Variants in SIPA1L1 observed in about 807,000 individuals in gnomAD.
SIPA1L1 encodes signal induced proliferation associated 1 like 1.
SIPA1L1 carries 26 observed loss-of-function variants against 162.7 expected under a neutral mutation model. That is an observed-to-expected ratio of 0.16 (90% confidence interval 0.12 to 0.22). SIPA1L1 has a LOEUF of 0.22. Among genes scored for constraint, SIPA1L1 ranks in the 10% least tolerant of loss-of-function variants. The pLI is 1.00. For synonymous variants in SIPA1L1, 829 were observed against 837.4 expected (o/e 0.99, Z 0.17); for missense variants, 1,874 against 2,241.0 (o/e 0.84, Z 3.31).
chr14:71,381,342 A>G (rs2039886285), intron 2 of SIPA1L1, among the ~76,000 whole-genome samples: 1 of 152,054 alleles, frequency 6.6e-6, no homozygotes, highest in Non-Finnish European at 1.5e-5. Flanking sequence ...ATGAGCCACC[A>G]TGCCTGGCCC....
intron 2 of SIPA1L1, among the ~76,000 whole-genome samples, chr14:71,477,712 C>G (rs2047995170): frequency 6.6e-6 from 1 of 151,860 alleles, no homozygotes; most frequent in African/African-American, 2.4e-5. Flanking sequence ...CTGAGTAGAT[C>G]CCTTTATATG....
At chr14:71,689,812 G>A (rs915399907) in intron 13 of SIPA1L1, among the ~76,000 whole-genome samples, 1 of 152,094 alleles carries the variant, frequency 6.6e-6, no homozygotes, top group South Asian at 2.1e-4. Flanking sequence ...TTTTGTTCAC[G>A]CAGTTATGGC....
intron 2 of SIPA1L1, among the ~76,000 whole-genome samples, chr14:71,467,879 A>G (rs1049530396): frequency 6.6e-6 from 1 of 151,900 alleles, no homozygotes; most frequent in Admixed American, 6.6e-5. Flanking sequence ...AGAAAGAAAA[A>G]GTATTGGCTT....
intron 22 of SIPA1L1, among the ~76,000 whole-genome samples, chr14:71,736,315 T>G (rs2085287156): frequency 6.6e-6 from 1 of 152,188 alleles, no homozygotes; most frequent in Non-Finnish European, 1.5e-5. Context: ...GAGAATCACT[T>G]GAACCCAGGA....
chr14:71,667,933 C>T (rs1035538444), intron 10 of SIPA1L1, among the ~76,000 whole-genome samples: 1 of 152,022 alleles, frequency 6.6e-6, no homozygotes, highest in African/African-American at 2.4e-5. Context: ...GGCGAGATGG[C>T]GGGCCCCTGT....
At chr14:71,380,868 A>C (rs1179253439) in intron 2 of SIPA1L1, among the ~76,000 whole-genome samples, 2 of 152,208 alleles carry the variant, frequency 1.3e-5, no homozygotes, top group African/African-American at 2.4e-5. Context: ...AAGTACTAGC[A>C]GCTTAGCAAC....
chr14:71,701,106 C>T (rs907124070), intron 14 of SIPA1L1, among the ~76,000 whole-genome samples: 4 of 146,344 alleles, frequency 2.7e-5, no homozygotes, highest in African/African-American at 9.9e-5. Flanking sequence ...TTCTCCTTGG[C>T]TTCTTATAAT....
Position 71,377,128 on chromosome 14 carries a change from C to A in SIPA1L1, c.-465+55947C>A, listed in dbSNP as rs886822553. On this transcript the variant is annotated intron_variant, in intron 2 of 23. Transcript: ENST00000381232. The surrounding 1 kb of genome is among the most constrained non-coding windows in gnomAD (Gnocchi z 4.8). The stretch of plus-strand genomic sequence containing the variant: ...TGGCGGCCGGGCAGAGGGGCCCCCC[C>A]ACCCCCCAGATGGGGCGGCCAGGCA... 6.9e-6 allele frequency among the ~76,000 whole-genome samples: 1 copy of A among 145,126 alleles called. No individual in the cohort carries two copies. Among genetic ancestry groups the A allele is most frequent in the African/African-American group, 2.6e-5 (1 of 39,060 alleles).
At chr14:71,431,580 G>C (rs2043994515) in intron 2 of SIPA1L1, among the ~76,000 whole-genome samples, 1 of 151,966 alleles carries the variant, frequency 6.6e-6, no homozygotes, top group Non-Finnish European at 1.5e-5. Flanking sequence ...TGTACTTCCA[G>C]CTACTTGGGA....
chr14:71,408,951 T>G (rs1464183239), intron 2 of SIPA1L1, among the ~76,000 whole-genome samples: 1 of 152,098 alleles, frequency 6.6e-6, no homozygotes, highest in South Asian at 2.1e-4. Flanking sequence ...CCTAAAGACC[T>G]CCTCATGGTT....
chr14:71,544,174 C>T (rs967791747), intron 4 of SIPA1L1, among the ~76,000 whole-genome samples: 1 of 150,488 alleles, frequency 6.6e-6, no homozygotes, highest in African/African-American at 2.5e-5. Flanking sequence ...TACATATATG[C>T]ACGTGTGTGT....
chr14:71,553,205 T>C (rs2056037010), intron 4 of SIPA1L1, among the ~76,000 whole-genome samples: 1 of 152,216 alleles, frequency 6.6e-6, no homozygotes, highest in Non-Finnish European at 1.5e-5. Context: ...ATGTAGCAGA[T>C]TTTTAAAAGC....
intron 16 of SIPA1L1, among the ~76,000 whole-genome samples, chr14:71,708,925 A>G (rs868692844): frequency 4.3e-4 from 66 of 152,244 alleles, no homozygotes; most frequent in African/African-American, 1.4e-3. Flanking sequence ...TAAAACTTCA[A>G]TGACAATTTA....
intron 2 of SIPA1L1, among the ~76,000 whole-genome samples, chr14:71,430,069 C>G (rs1200796213): frequency 6.6e-6 from 1 of 152,146 alleles, no homozygotes; most frequent in Non-Finnish European, 1.5e-5. Flanking sequence ...AATCTGTGTT[C>G]TAATGGCTGA....
intron 5 of SIPA1L1, among the ~76,000 whole-genome samples, chr14:71,609,629 G>T (rs2037958523): frequency 6.6e-6 from 1 of 151,992 alleles, no homozygotes; most frequent in Admixed American, 6.6e-5. Flanking sequence ...ACCATGCCCA[G>T]CTAGTTTTTG....
At chr14:71,371,831 C>A (rs1394350243) in intron 2 of SIPA1L1, among the ~76,000 whole-genome samples, 2 of 152,090 alleles carry the variant, frequency 1.3e-5, no homozygotes, top group Non-Finnish European at 2.9e-5. Flanking sequence ...GGTATGGTTT[C>A]ACATGTATTC....
chr14:71,321,409 C>T (rs1483648998), intron 2 of SIPA1L1: 1 of 152,326 alleles, frequency 6.6e-6, no homozygotes, highest in African/African-American at 2.4e-5. Context: ...GAACCCGAAT[C>T]TGCACAACTA....
At chr14:71,655,147 A>G (rs184786911) in intron 8 of SIPA1L1, among the ~76,000 whole-genome samples, 3 of 152,164 alleles carry the variant, frequency 2.0e-5, no homozygotes, top group African/African-American at 4.8e-5. Context: ...GGACTCGCCA[A>G]TGTCTGTTGT....
chr14:71,547,292 C>CTTTTTT (rs753714304), intron 4 of SIPA1L1, among the ~76,000 whole-genome samples: 19 of 111,266 alleles, frequency 1.7e-4, no homozygotes, highest in East Asian at 6.3e-4. Flanking sequence ...ATGAAAATAA[C>CTTTTTT]TTTTTTTTTT....
Sources: gnomAD v4.1 joint callset for allele counts (sites outside exome capture counted in the v4.1 genomes callset) on GRCh38, gnomAD v4.1.1 for gene constraint, Gnocchi (gnomAD v3.1) non-coding constraint, MANE v1.5 for transcripts, NCBI Gene and HGNC (gene_info 2026-07-23, HGNC 2026-07-21) for gene names.